The following MLF1 variants were observed in gnomAD, a reference collection of about 807,000 sequenced individuals.
MLF1 encodes the protein myeloid leukemia factor 1, also known as myelodysplasia-myeloid leukemia factor 1.
Under a neutral mutation model 38.3 loss-of-function variants are expected in MLF1, and 37 were observed. The ratio of observed to expected loss-of-function variants is 0.96; its 90% CI spans 0.74 to 1.27. The LOEUF (loss-of-function observed/expected upper bound fraction) is 1.27. Ranked by LOEUF, MLF1 falls within the 50% of genes most tolerant of loss-of-function variation. The pLI is 0.00. For missense variants in MLF1, 331 were observed against 349.2 expected (o/e 0.95, Z 0.42); for synonymous variants, 95 against 106.5 (o/e 0.89, Z 0.66).
At chr3:158,601,779 T>A (rs1055922615) in intron 6 of MLF1, among the ~76,000 whole-genome samples, 4 of 150,230 alleles carry the variant, frequency 2.7e-5, no homozygotes, top group African/African-American at 9.8e-5. Flanking sequence ...AGAAATTCTA[T>A]TAACATTGGG....
Position 158,596,934 on chromosome 3 carries a change from G to T in MLF1, c.313G>T (p.Glu105Ter), listed in dbSNP as rs1438356147. Residue 105 changes from glutamate to a stop codon, truncating the protein, a stop_gained, in exon 4 of 8, where the codon GAA (glutamate) becomes TAA (stop). Transcript: ENST00000466246. LOFTEE classifies it high-confidence loss of function. ...SNMRNYMQKLERNFGQLSVDP... is the reference protein window; with the variant it reads ...SNMRNYMQKL ...TATGAGAAACTATATGCAGAAATTA[G>T]AAAGAAACTTCGTAAGTACTAAAAA... 3 of 1,601,764 alleles carry T rather than the reference G, an allele frequency of 1.9e-6. No individual in the cohort carries two copies. The Admixed American group carries it at 5.0e-5, about 27-fold the overall frequency.
rs777562703 is a variant in MLF1, at chr3:158,571,295, G to A, written c.-6G>A. 8.7e-6 allele frequency: 14 copies of A among 1,611,678 alleles called. No individual in the cohort carries two copies. The highest frequency in any genetic ancestry group is 1.2e-5 in the Non-Finnish European group (14 of 1,178,860). ...CGCGGCTGCCGCCACCCAAGACAGA[G>A]CCAGAATGTTCAGGATGCTGAACAG... On this transcript the variant is annotated 5_prime_UTR_variant, in exon 1 of 8. Coordinates refer to ENST00000466246, the MANE Select transcript of MLF1 (RefSeq NM_001369783.1).
At chr3:158,584,658 AGTGTGTGT>A (rs56885799) in intron 1 of MLF1, among the ~76,000 whole-genome samples, 8,502 of 134,262 alleles carry the variant, frequency 0.063, 279 homozygotes, top group African/African-American at 0.066. Flanking sequence ...CCATAAAGAA[AGTGTGTGT>A]GTGTGTGTGT....
At chr3:158,594,753 A>G (rs1718648806) in intron 3 of MLF1, among the ~76,000 whole-genome samples, 1 of 152,186 alleles carries the variant, frequency 6.6e-6, no homozygotes, top group Non-Finnish European at 1.5e-5. Context: ...GAGAGGGAGA[A>G]GGGAAGTATC....
At chr3:158,605,067 G>A (rs2108666494) in intron 7 of MLF1, 30 bp from the exon 8 acceptor site, 4 of 1,472,844 alleles carry the variant, frequency 2.7e-6, no homozygotes, top group Non-Finnish European at 3.8e-6. Flanking sequence ...TTTTTTAAAT[G>A]ATATTAATAT....
chr3:158,594,039 G>GT (rs60731735), intron 3 of MLF1, among the ~76,000 whole-genome samples: 8,317 of 151,172 alleles, frequency 0.055, 382 homozygotes, highest in African/African-American at 0.13. Context: ...CATGAAAACG[G>GT]TTTTTTTTTA....
Position 158,583,512 on chromosome 3 carries a change from C to T in MLF1, c.48-8922C>T, listed in dbSNP as rs533858356. ...AATAGAAAAAAGGTATGTCTATTCG[C>T]TCTTATAATTAAAGAGTTTGGGAAG... On this transcript the variant is annotated intron_variant, in intron 1 of 7. Transcript: ENST00000466246. Among the ~76,000 whole-genome samples, 3 of 152,080 alleles carry T rather than the reference C, an allele frequency of 2.0e-5. No homozygotes were observed. In the South Asian group the frequency reaches 6.2e-4, roughly 32 times the overall value.
rs1720411593 is a variant in MLF1 at position 158,605,592 on chromosome 3, T to G, written c.*390T>G. ...AATTATAATGTTAAAAAAGTCTCAG[T>G]TTTTACTAACACTGTACTAGGGTGA... On this transcript the variant is annotated 3_prime_UTR_variant, in exon 8 of 8. Coordinates refer to ENST00000466246, the MANE Select transcript of MLF1 (RefSeq NM_001369783.1). 2 of 196,770 alleles carry G rather than the reference T, an allele frequency of 1.0e-5. No homozygotes were observed. Among genetic ancestry groups the G allele is most frequent in the African/African-American group, 4.6e-5 (2 of 43,240 alleles). The allele number at this position is 196,770 out of a possible 1,614,324, so 12.2% of individuals were successfully genotyped here.
intron 6 of MLF1, among the ~76,000 whole-genome samples, chr3:158,601,486 C>T (rs531878240): frequency 1.3e-5 from 2 of 152,302 alleles, no homozygotes; most frequent in African/African-American, 4.8e-5. Flanking sequence ...AGGAGAATCG[C>T]TTGAACCCAG....
At chr3:158,598,474 A>G (rs1719242693) in intron 5 of MLF1, among the ~76,000 whole-genome samples, 1 of 140,258 alleles carries the variant, frequency 7.1e-6, no homozygotes, top group African/African-American at 2.7e-5. Flanking sequence ...GATGTTTATT[A>G]CCTTTACATG....
intron 1 of MLF1, among the ~76,000 whole-genome samples, chr3:158,583,597 G>A (rs1560100046): frequency 6.6e-6 from 1 of 152,128 alleles, no homozygotes; most frequent in African/African-American, 2.4e-5. Context: ...AGGTCTGAGA[G>A]ACAGAGATGG....
At chr3:158,584,437 A>G (rs1716889630) in intron 1 of MLF1, among the ~76,000 whole-genome samples, 1 of 152,212 alleles carries the variant, frequency 6.6e-6, no homozygotes, top group Non-Finnish European at 1.5e-5. Flanking sequence ...TCCAGACCCT[A>G]TACAACATAA....
chr3:158,588,615 A>AGC (rs1553837129), intron 1 of MLF1, among the ~76,000 whole-genome samples: 4 of 91,422 alleles, frequency 4.4e-5, no homozygotes, highest in African/African-American at 2.4e-4. Context: ...AAAAAAAAAA[A>AGC]AAAAAAAAAG....
intron 5 of MLF1, among the ~76,000 whole-genome samples, chr3:158,598,515 C>T (rs573646290): frequency 7.8e-4 from 116 of 148,908 alleles, no homozygotes; most frequent in Non-Finnish European, 1.4e-3. Context: ...CGAAAAGAAG[C>T]CTTTGTTTCA....
chr3:158,574,505 TAAAAAA>T (rs758915813), intron 1 of MLF1, among the ~76,000 whole-genome samples: 4 of 91,404 alleles, frequency 4.4e-5, no homozygotes, highest in Admixed American at 1.1e-4. Flanking sequence ...CCATCTGTAC[TAAAAAA>T]AAAAAAAAAA....
chr3:158,574,050 C>T (rs989957870), intron 1 of MLF1, among the ~76,000 whole-genome samples: 3 of 152,158 alleles, frequency 2.0e-5, no homozygotes, highest in South Asian at 4.1e-4. Context: ...CTGCCTCCCT[C>T]GGCCTCCCAA....
intron 3 of MLF1, among the ~76,000 whole-genome samples, chr3:158,595,280 G>A (rs139964656): frequency 6.6e-6 from 1 of 152,182 alleles, no homozygotes; most frequent in Non-Finnish European, 1.5e-5. Context: ...AAAGTCAGGA[G>A]GAAACATTTA....
intron 1 of MLF1, among the ~76,000 whole-genome samples, chr3:158,586,466 A>G (rs13091850): frequency 1.5e-3 from 231 of 152,300 alleles, no homozygotes; most frequent in Non-Finnish European, 2.6e-3. Flanking sequence ...TGTGAAATGA[A>G]TTTAGACGTA....
intron 6 of MLF1, among the ~76,000 whole-genome samples, chr3:158,601,109 TAG>T: frequency 6.6e-6 from 1 of 152,190 alleles, no homozygotes; most frequent in Non-Finnish European, 1.5e-5. Context: ...TTTTCCATAA[TAG>T]AGTGTTTAAA....
Sources: allele counts gnomAD v4.1 joint callset (sites outside exome capture counted in the v4.1 genomes callset), GRCh38; gene constraint gnomAD v4.1.1; transcripts MANE v1.5; gene names NCBI Gene and HGNC (gene_info 2026-07-23, HGNC 2026-07-21).